The following SYTL2 variants were observed in gnomAD, a reference collection of about 807,000 sequenced individuals.
SYTL2 encodes the protein synaptotagmin-like protein 2.
A neutral mutation model predicts 198.7 loss-of-function variants in SYTL2; 165 were observed. The ratio of observed to expected loss-of-function variants is 0.83; its 90% CI spans 0.73 to 0.94. SYTL2 has a LOEUF of 0.94. Among genes scored for constraint, SYTL2 ranks in the 40% least tolerant of loss-of-function variants. The pLI is 0.00. For synonymous variants in SYTL2, 966 were observed against 917.7 expected, an observed-to-expected ratio of 1.05 and a Z score of -0.95; for missense variants, 2,835 against 2,582.8, an observed-to-expected ratio of 1.10 and a Z score of -2.12.
chr11:85,727,916 C>T lies in SYTL2; in HGVS notation c.1442G>A (p.Ser481Asn). Residue 481 changes from serine to asparagine, a missense_variant, in exon 8 of 20, where the codon AGT becomes AAT. Ser to Asn is a conservative substitution (Grantham distance 46). This residue lies in a region of SYTL2 where 2,645 missense variants were observed against 2,381.7 expected (regional missense o/e 1.11). Transcript: ENST00000359152. ...CTTACCTTGCTGACGGTCTCTAGAA[C>T]TGCCACCTGGCACCTGAGATGGCTC... ...EPEPSQVPGG[S>N]SRDRQQGKPP... 6.2e-7 allele frequency: 1 copy of T among 1,613,566 alleles called. No individual in the cohort carries two copies. Among genetic ancestry groups the T allele is most frequent in the Non-Finnish European group, 8.5e-7 (1 of 1,179,870 alleles).
At chr11:85,778,755 T>C (rs558354612) in intron 1 of SYTL2, among the ~76,000 whole-genome samples, 1 of 152,320 alleles carries the variant, frequency 6.6e-6, no homozygotes, top group South Asian at 2.1e-4. Context: ...GTCAGGCGGA[T>C]CACTTAAGCT....
chr11:85,720,853 C>T lies in SYTL2; in HGVS notation c.5428+5G>A. Reference sequence around the variant, plus strand: ...CATGAACAGTGAGGCGAACTTTATTCTCACTTGATGAATCTGATGAAATGT... The same window carrying T: ...CATGAACAGTGAGGCGAACTTTATTTTCACTTGATGAATCTGATGAAATGT... On this transcript the variant is annotated splice_donor_5th_base_variant and intron_variant, in intron 9 of 19. Coordinates refer to ENST00000359152, the MANE Select transcript of SYTL2 (RefSeq NM_206927.4). The T allele has an allele frequency of 2.5e-6, 4 of 1,604,470 alleles. No individual in the cohort carries two copies. In the South Asian group the frequency reaches 3.3e-5, roughly 13 times the overall value.
intron 1 of SYTL2, among the ~76,000 whole-genome samples, chr11:85,766,908 T>G (rs964814222): frequency 1.2e-4 from 19 of 152,228 alleles, no homozygotes; most frequent in Admixed American, 1.2e-3. Flanking sequence ...GGGAGTGCTA[T>G]CACTTTCATT....
chr11:85,766,196 G>A (rs1396313130), intron 1 of SYTL2, among the ~76,000 whole-genome samples: 1 of 152,178 alleles, frequency 6.6e-6, no homozygotes, highest in East Asian at 1.9e-4. Flanking sequence ...GACCCCAAGA[G>A]GCCTAAAGTG....
intron 8 of SYTL2, 66 bp from the exon 9 acceptor site, chr11:85,721,025 G>A (rs1591721287): frequency 2.1e-6 from 2 of 942,250 alleles, no homozygotes; most frequent in East Asian, 2.5e-5. Context: ...TCTAACATAT[G>A]GACATAGAAA....
In SYTL2 at chr11:85,725,277, G is replaced by T. The variant is rs777360772; in HGVS notation, c.4081C>A (p.Leu1361Ile). 1 of 1,614,158 alleles carries T rather than the reference G, an allele frequency of 6.2e-7. No individual in the cohort carries two copies. Among genetic ancestry groups the T allele is most frequent in the Middle Eastern group, 1.6e-4 (1 of 6,062 alleles). Residue 1361 changes from leucine (L) to isoleucine (I), a missense_variant, in exon 8 of 20, where the codon CTT (leucine) becomes ATT (isoleucine). This residue lies in a region of SYTL2 where 2,645 missense variants were observed against 2,381.7 expected (regional missense o/e 1.11). Coordinates refer to ENST00000359152, the MANE Select transcript of SYTL2 (RefSeq NM_206927.4). Reference sequence around the variant, plus strand: ...TCATTCAATACAGGTCTGGGTGGAAGAATGACTTTCTCTACAGTCTCCGAA... The same window carrying T: ...TCATTCAATACAGGTCTGGGTGGAATAATGACTTTCTCTACAGTCTCCGAA... ...EISETVEKVI[L>I]PPRPVLNDVS... is the part of the protein sequence containing the mutation.
rs1321396631 is a variant in SYTL2 at position 85,748,264 on chromosome 11, C to G, written c.253+8G>C. 2 of 1,610,848 alleles carry G rather than the reference C, an allele frequency of 1.2e-6. No individual in the cohort carries two copies. The highest frequency in any genetic ancestry group is 3.3e-5 in the Admixed American group (2 of 59,858). ...CTTGTTGTAAATGCACTAGCCAAGTCAACTCACCTGCTATCTGGGGCCTCT... is the reference window on the plus strand; with the variant it reads ...CTTGTTGTAAATGCACTAGCCAAGTGAACTCACCTGCTATCTGGGGCCTCT... On this transcript the variant is annotated splice_region_variant and intron_variant, in intron 3 of 19. Coordinates refer to ENST00000359152, the MANE Select transcript of SYTL2 (RefSeq NM_206927.4).
chr11:85,769,511 G>GT (rs777479986), intron 1 of SYTL2, among the ~76,000 whole-genome samples: 3 of 152,208 alleles, frequency 2.0e-5, no homozygotes, highest in Non-Finnish European at 2.9e-5. Context: ...ATTTTAGCCT[G>GT]TAAGATCCAT....
In SYTL2 at chr11:85,724,680, T is replaced by C; in HGVS notation, c.4678A>G (p.Thr1560Ala). 6.2e-7 allele frequency: 1 copy of C among 1,614,032 alleles called. No homozygotes were observed. The highest frequency in any genetic ancestry group is 1.1e-5 in the South Asian group (1 of 91,056). Reference sequence around the variant, plus strand: ...AAACCAGCATCAAAAGCACTCTCAGTTATTAACGGAGCCTCGGCCTTTTCT... The same window carrying C: ...AAACCAGCATCAAAAGCACTCTCAGCTATTAACGGAGCCTCGGCCTTTTCT... ...TVEKAEAPLI[T>A]ESAFDAGFEK... The change falls in exon 8 of 20, where the codon ACT (threonine) becomes GCT (alanine). Residue 1560 changes from threonine to alanine, a missense_variant. This residue lies in a region of SYTL2 where 2,645 missense variants were observed against 2,381.7 expected (regional missense o/e 1.11). Coordinates refer to ENST00000359152, the MANE Select transcript of SYTL2 (RefSeq NM_206927.4).
At chr11:85,784,590 A>T (rs2092608480) in intron 1 of SYTL2, among the ~76,000 whole-genome samples, 1 of 152,208 alleles carries the variant, frequency 6.6e-6, no homozygotes, top group Non-Finnish European at 1.5e-5. Context: ...TTTACTTCAA[A>T]TTCAGGGTCC....
At chr11:85,738,402 C>T (rs892651826) in intron 4 of SYTL2, among the ~76,000 whole-genome samples, 13 of 152,016 alleles carry the variant, frequency 8.6e-5, no homozygotes, top group African/African-American at 3.1e-4. Flanking sequence ...ATATAAAATA[C>T]AGCCTGATTA....
the SYTL2 span, among the ~76,000 whole-genome samples, chr11:85,849,878 A>G: frequency 5.0e-5 from 7 of 139,514 alleles, no homozygotes; most frequent in Non-Finnish European, 1.1e-4. Flanking sequence ...TACCTTGGGC[A>G]GTATGGCCAT....
At chr11:85,796,842 A>G (rs1172448136) in intron 1 of SYTL2, among the ~76,000 whole-genome samples, 1 of 152,200 alleles carries the variant, frequency 6.6e-6, no homozygotes, top group African/African-American at 2.4e-5. Context: ...ATAAACTTAA[A>G]TATATCAGGA....
Position 85,734,417 on chromosome 11 carries a change from G to A in SYTL2, c.912C>T (p.Gly304=), listed in dbSNP as rs1490912373. ...CAGAAATTCTCTCATGGATGGTTAG[G>A]CCAGGTGACACAATTTTGCTTTTGG... is the stretch of plus-strand genomic sequence containing the variant. ...FEPKSKIVSP[G]LTIHERISEK... Residue 304 remains glycine (G), a synonymous_variant, in exon 7 of 20, where the codon GGC becomes GGT. Coordinates refer to ENST00000359152, the MANE Select transcript of SYTL2 (RefSeq NM_206927.4). 1 of 1,614,150 alleles carries A rather than the reference G, an allele frequency of 6.2e-7. No individual in the cohort carries two copies. Among genetic ancestry groups the A allele is most frequent in the Non-Finnish European group, 8.5e-7 (1 of 1,179,992 alleles).
intron 7 of SYTL2, among the ~76,000 whole-genome samples, chr11:85,731,314 C>G (rs193048052): frequency 6.6e-6 from 1 of 152,180 alleles, no homozygotes. Flanking sequence ...GGAGGCATCA[C>G]GCTACCTGAC....
chr11:85,717,940 T>C (rs1406762957), intron 10 of SYTL2, among the ~76,000 whole-genome samples: 1 of 152,126 alleles, frequency 6.6e-6, no homozygotes, highest in Non-Finnish European at 1.5e-5. Flanking sequence ...CCCTGCCCCA[T>C]CAACTTCAGT....
rs369366632 is a variant in SYTL2, at chr11:85,780,246, C to T, written c.-389-22132G>A. Among the ~76,000 whole-genome samples the T allele has an allele frequency of 4.6e-5, 7 of 152,314 alleles. No individual in the cohort carries two copies. In the East Asian group the frequency reaches 1.3e-3, roughly 29 times the overall value. On this transcript the variant is annotated intron_variant, in intron 1 of 19. Coordinates refer to ENST00000359152, the MANE Select transcript of SYTL2 (RefSeq NM_206927.4). ...ATCTAAAGAGTAGGATAATTTTCCACCAAATGAAATGTCTCTCTGTGATAT... is the reference window on the plus strand; with the variant it reads ...ATCTAAAGAGTAGGATAATTTTCCATCAAATGAAATGTCTCTCTGTGATAT...
chr11:85,716,326 A>C (rs1365382720), intron 11 of SYTL2: 1 of 152,218 alleles, frequency 6.6e-6, no homozygotes, highest in Non-Finnish European at 1.5e-5. Context: ...TGCAGTAGTC[A>C]GACAGAGAGC....
At chr11:85,821,161 A>T in the SYTL2 span, among the ~76,000 whole-genome samples, 4 of 152,240 alleles carry the variant, frequency 2.6e-5, no homozygotes, top group African/African-American at 9.6e-5. Context: ...TCTAAGATGC[A>T]CATCTTTTTT....
Sources: allele counts gnomAD v4.1 joint callset (sites outside exome capture counted in the v4.1 genomes callset), GRCh38; gene constraint gnomAD v4.1.1; regional missense constraint gnomAD v4.1.1; transcripts MANE v1.5; gene names NCBI Gene and HGNC (gene_info 2026-07-23, HGNC 2026-07-21).